The following BBX variants were observed in gnomAD, a reference collection of about 807,000 sequenced individuals.
BBX encodes the protein BBX high mobility group box domain containing.
Under a neutral mutation model 100.2 loss-of-function variants are expected in BBX, and 30 were observed. That is an observed-to-expected ratio of 0.30 (90% CI 0.22 to 0.41). The LOEUF (loss-of-function observed/expected upper bound fraction) is 0.41. BBX is among the 10% of genes least tolerant of loss of function. BBX has a pLI of 1.00. For synonymous variants in BBX, 376 were observed against 388.1 expected, an observed-to-expected ratio of 0.97 and a Z score of 0.37; for missense variants, 1,023 against 1,129.8, an observed-to-expected ratio of 0.91 and a Z score of 1.35.
At position 107,716,896 on chromosome 3, in the gene BBX, C is replaced by T. The variant is rs763964738; in HGVS notation, c.405+47C>T. On this transcript the variant is annotated intron_variant, in intron 5 of 17. Transcript: ENST00000325805. ...TTCTGATAGCTAAAAGCAACCAGTC[C>T]TGAAACTCCCAGTCAACAAATATGA... 62 of 1,590,582 alleles carry T rather than the reference C, an allele frequency of 3.9e-5. 1 individual carries two copies. In the South Asian group the frequency reaches 7.0e-4, roughly 18 times the overall value.
intron 9 of BBX, among the ~76,000 whole-genome samples, chr3:107,753,970 G>A (rs1468516989): frequency 6.6e-6 from 1 of 152,014 alleles, no homozygotes; most frequent in Non-Finnish European, 1.5e-5. Flanking sequence ...GTAATAATTG[G>A]GCCATTTATT....
At chr3:107,586,842 C>T (rs781173839) in intron 2 of BBX, among the ~76,000 whole-genome samples, 6 of 151,926 alleles carry the variant, frequency 3.9e-5, no homozygotes, top group East Asian at 1.9e-4. Context: ...CCTCCGCCTC[C>T]GAGGTTCAAG....
intron 7 of BBX, among the ~76,000 whole-genome samples, chr3:107,742,891 G>A (rs1200421217): frequency 3.3e-5 from 5 of 152,156 alleles, no homozygotes; most frequent in South Asian, 4.1e-4. Context: ...ATGTGTTGTC[G>A]TGGCCAAATA....
intron 2 of BBX, among the ~76,000 whole-genome samples, chr3:107,632,414 C>T (rs1346795058): frequency 6.6e-6 from 1 of 152,026 alleles, no homozygotes; most frequent in Non-Finnish European, 1.5e-5. Flanking sequence ...TTTATTAGTA[C>T]TTTTAGTTTT....
intron 3 of BBX, among the ~76,000 whole-genome samples, chr3:107,656,299 T>A (rs2058139121): frequency 6.6e-6 from 1 of 152,176 alleles, no homozygotes; most frequent in African/African-American, 2.4e-5. Flanking sequence ...CAATAGCTAT[T>A]TTGTATTAAT....
intron 7 of BBX, among the ~76,000 whole-genome samples, chr3:107,733,955 T>C (rs781005381): frequency 6.6e-6 from 1 of 152,140 alleles, no homozygotes; most frequent in Admixed American, 6.5e-5. Flanking sequence ...CAGAGGCCAA[T>C]TGAATTAACC....
chr3:107,698,220 C>A (rs1170422594), intron 3 of BBX, among the ~76,000 whole-genome samples: 2 of 151,708 alleles, frequency 1.3e-5, no homozygotes, highest in Non-Finnish European at 2.9e-5. Context: ...TTGGCTCCTC[C>A]CGCCTTTTAA....
intron 3 of BBX, chr3:107,659,533 A>G: frequency 3.3e-6 from 1 of 299,020 alleles, no homozygotes; most frequent in Non-Finnish European, 6.6e-6. Flanking sequence ...ATTACTTAGT[A>G]CTGGTAGGTG....
chr3:107,634,354 C>T (rs569525340), intron 2 of BBX, among the ~76,000 whole-genome samples: 3 of 152,286 alleles, frequency 2.0e-5, no homozygotes, highest in East Asian at 3.9e-4. Context: ...TTGTACCATT[C>T]TCAGCTCTAT....
intron 2 of BBX, among the ~76,000 whole-genome samples, chr3:107,574,488 A>G (rs935803036): frequency 6.6e-6 from 1 of 152,194 alleles, no homozygotes; most frequent in African/African-American, 2.4e-5. Flanking sequence ...TGTTATGAAG[A>G]AGAGGGATCA....
chr3:107,772,499 G>A (rs1459706362), intron 10 of BBX, 129 bp from the exon 11 acceptor site: 3 of 1,003,490 alleles, frequency 3.0e-6, no homozygotes, highest in East Asian at 5.5e-5. Context: ...GCAGAAGTGG[G>A]CTGATTGTTG....
At chr3:107,586,374 TG>T (rs762043437) in intron 2 of BBX, among the ~76,000 whole-genome samples, 14 of 152,340 alleles carry the variant, frequency 9.2e-5, no homozygotes, top group East Asian at 7.7e-4. Context: ...TATTCGTAAT[TG>T]TTTTTTTTAG....
At chr3:107,547,557 C>A (rs776198880) in intron 2 of BBX, among the ~76,000 whole-genome samples, 3 of 152,032 alleles carry the variant, frequency 2.0e-5, no homozygotes, top group Non-Finnish European at 4.4e-5. Flanking sequence ...GTTTTCTTTT[C>A]GTTTTATATT....
intron 2 of BBX, among the ~76,000 whole-genome samples, chr3:107,539,015 C>T (rs1159536785): frequency 6.6e-6 from 1 of 152,016 alleles, no homozygotes; most frequent in African/African-American, 2.4e-5. Flanking sequence ...GTCTTCAACT[C>T]CTGGGCTCAA....
At chr3:107,605,378 T>TG (rs1473445410) in intron 2 of BBX, among the ~76,000 whole-genome samples, 2 of 147,944 alleles carry the variant, frequency 1.4e-5, no homozygotes, top group Admixed American at 6.6e-5. Flanking sequence ...ACTTTCTATT[T>TG]TTTTTTTTGG....
intron 3 of BBX, among the ~76,000 whole-genome samples, chr3:107,657,424 G>A (rs575642436): frequency 9.9e-5 from 15 of 152,122 alleles, no homozygotes; most frequent in East Asian, 1.9e-4. Context: ...TTTAGTTATC[G>A]TAAATTTAGC....
chr3:107,608,061 C>T (rs602959), intron 2 of BBX, among the ~76,000 whole-genome samples: 81,587 of 151,786 alleles, frequency 0.54, 22,792 homozygotes, highest in East Asian at 0.96. Flanking sequence ...AACTTTTTGA[C>T]TTGATATGAT....
At chr3:107,737,899 T>G (rs1192693760) in intron 7 of BBX, among the ~76,000 whole-genome samples, 1 of 141,822 alleles carries the variant, frequency 7.1e-6, no homozygotes, top group Non-Finnish European at 1.5e-5. Context: ...TTTTTTTTTT[T>G]TTTTTTTTTT....
chr3:107,528,841 A>G (rs929288613), intron 2 of BBX, among the ~76,000 whole-genome samples: 8 of 152,244 alleles, frequency 5.3e-5, no homozygotes, highest in Admixed American at 3.9e-4. Context: ...CAGTAAAATC[A>G]CAGGCAATTT....
Sources: gnomAD v4.1 joint callset for allele counts (sites outside exome capture counted in the v4.1 genomes callset) on GRCh38, gnomAD v4.1.1 for gene constraint, MANE v1.5 for transcripts, NCBI Gene and HGNC (gene_info 2026-07-23, HGNC 2026-07-21) for gene names.